IL36RN: variants seen among roughly 807,000 people sequenced by gnomAD.
IL36RN encodes interleukin-36 receptor antagonist protein.
A neutral mutation model predicts 13.0 loss-of-function variants in IL36RN; 11 were observed. The ratio of observed to expected loss-of-function variants is 0.85; its 90% CI spans 0.53 to 1.40. The LOEUF is 1.40. IL36RN is among the 40% of genes most tolerant of loss of function. The pLI, the probability that IL36RN is intolerant of heterozygous loss-of-function variation, is 0.00. For synonymous variants in IL36RN, 94 were observed against 84.1 expected (o/e 1.12, Z -0.64); for missense variants, 195 against 195.3 (o/e 1.00, Z 0.01).
In IL36RN at chr2:113,064,662, T is replaced by A. The variant is rs1289771796; in HGVS notation, c.*1985T>A. Reference sequence around the variant, plus strand: ...TAGAAGCAGAGACTCTGTGAGATAATCGATGTTTGTTGTTTTAAGTTGCTC... The same window carrying A: ...TAGAAGCAGAGACTCTGTGAGATAAACGATGTTTGTTGTTTTAAGTTGCTC... On this transcript the variant is annotated 3_prime_UTR_variant, in exon 5 of 5. Transcript: ENST00000393200. 1.9e-4 allele frequency: 29 copies of A among 152,208 alleles called. No homozygotes were observed. The highest frequency in any genetic ancestry group is 1.5e-3 in the Admixed American group (23 of 15,284). 9.4% of individuals were successfully genotyped at this position (152,208 alleles called of 1,614,324 possible). A position where few individuals can be genotyped will look rare whatever the true frequency, so the allele number is the denominator to read the frequency against.
chr2:113,060,267 C>T (rs1323180842), intron 2 of IL36RN, among the ~76,000 whole-genome samples: 2 of 152,202 alleles, frequency 1.3e-5, no homozygotes, highest in African/African-American at 2.4e-5. Context: ...ATACATCTTC[C>T]ACCTCATAGG....
rs1475179314 is a variant in IL36RN at position 113,064,722 on chromosome 2, A to T, written c.*2045A>T. On this transcript the variant is annotated 3_prime_UTR_variant, in exon 5 of 5. Transcript: ENST00000393200. The stretch of plus-strand genomic sequence containing the variant: ...CTAACTTGTTATGCAGCAATAGATA[A>T]ATAATATGCAGAGAAAGAGAAACAA... 3 of 152,236 alleles carry T rather than the reference A, an allele frequency of 2.0e-5. No individual in the cohort carries two copies. Among genetic ancestry groups the T allele is most frequent in the Non-Finnish European group, 4.4e-5 (3 of 68,044 alleles). The allele number at this position is 152,236 out of a possible 1,614,324, so 9.4% of individuals were successfully genotyped here. A position where few individuals can be genotyped will look rare whatever the true frequency, so the allele number is the denominator to read the frequency against.
chr2:113,062,284 G>A (rs1381078867), intron 4 of IL36RN, 33 bp downstream of exon 4: 1 of 1,613,268 alleles, frequency 6.2e-7, no homozygotes, highest in Non-Finnish European at 8.5e-7. Flanking sequence ...TGGGGACTCA[G>A]CCACAGATGC....
In IL36RN at chr2:113,062,209, C is replaced by T; in HGVS notation, c.201C>T (p.Cys67=). 4 of 1,614,062 alleles carry T rather than the reference C, an allele frequency of 2.5e-6. No individual in the cohort carries two copies. Among genetic ancestry groups the T allele is most frequent in the Non-Finnish European group, 3.4e-6 (4 of 1,179,964 alleles). ...VILGVQGGSQ[C]LSCGVGQEPT... ...TGGGTGTCCAGGGTGGAAGCCAGTG[C>T]CTGTCATGTGGGGTGGGGCAGGAGC... The change falls in exon 4 of 5, where the codon TGC becomes TGT. Residue 67 remains cysteine, a synonymous_variant. Coordinates refer to ENST00000393200, the MANE Select transcript of IL36RN (RefSeq NM_012275.3).
At position 113,063,308 on chromosome 2, in the gene IL36RN, A is replaced by G. The variant is rs1685682446; in HGVS notation, c.*631A>G. 1 of 158,306 alleles carries G rather than the reference A, an allele frequency of 6.3e-6. No individual in the cohort carries two copies. 9.8% of individuals were successfully genotyped at this position (158,306 alleles called of 1,614,324 possible). A position where few individuals can be genotyped will look rare whatever the true frequency, so the allele number is the denominator to read the frequency against. On this transcript the variant is annotated 3_prime_UTR_variant, in exon 5 of 5. Coordinates refer to ENST00000393200, the MANE Select transcript of IL36RN (RefSeq NM_012275.3). The stretch of plus-strand genomic sequence containing the variant: ...AGGGTATGCTGATCCTCTTTTAAAA[A>G]CCCAAGATACAATCAAAATCCCAGA...
At chr2:113,061,195 C>T (rs1685633731) in intron 3 of IL36RN, among the ~76,000 whole-genome samples, 1 of 152,234 alleles carries the variant, frequency 6.6e-6, no homozygotes, top group Non-Finnish European at 1.5e-5. Context: ...TTGTCATTCC[C>T]TTACAGGTAG....
At chr2:113,062,412 C>A in intron 4 of IL36RN, 41 bp from the exon 5 acceptor site, 1 of 1,611,324 alleles carries the variant, frequency 6.2e-7, no homozygotes, top group Non-Finnish European at 8.5e-7. Flanking sequence ...CCCTCTGCCC[C>A]TGCTTCTGCC....
intron 3 of IL36RN, among the ~76,000 whole-genome samples, chr2:113,061,158 G>A (rs1685632980): frequency 6.6e-6 from 1 of 152,248 alleles, no homozygotes; most frequent in Admixed American, 6.5e-5. Flanking sequence ...CTATGCAGAA[G>A]TGGGAATGTT....
chr2:113,059,617 T>G, intron 2 of IL36RN, 150 bp downstream of exon 2: 1 of 871,230 alleles, frequency 1.1e-6, no homozygotes, highest in South Asian at 1.5e-5. Context: ...CTCTTAGAGT[T>G]TTCCCAGCCT....
In IL36RN at chr2:113,062,435, C is replaced by A; in HGVS notation, c.244-18C>A. 1 of 1,613,786 alleles carries A rather than the reference C, an allele frequency of 6.2e-7. No individual in the cohort carries two copies. The highest frequency in any genetic ancestry group is 8.5e-7 in the Non-Finnish European group (1 of 1,179,850). On this transcript the variant is annotated intron_variant, in intron 4 of 4. Coordinates refer to ENST00000393200, the MANE Select transcript of IL36RN (RefSeq NM_012275.3). The stretch of plus-strand genomic sequence containing the variant: ...CCCTGCTTCTGCCCTCACCTGACCT[C>A]CCCTCCTCTGCCGGCAGCCAGTGAA...
At position 113,062,684 on chromosome 2, in the gene IL36RN, G is replaced by A. The variant is rs761649949; in HGVS notation, c.*7G>A. 76 of 1,607,278 alleles carry A rather than the reference G, an allele frequency of 4.7e-5. No homozygotes were observed. The highest frequency in any genetic ancestry group is 1.8e-4 in the Admixed American group (11 of 59,936). On this transcript the variant is annotated 3_prime_UTR_variant, in exon 5 of 5. Transcript: ENST00000393200. ...CTTCCAGCAGTGTGACTAGGGCAAC[G>A]TGCCCCCCAGAACTCCCTGGGCAGA...
chr2:113,060,260 C>T (rs1685614745), intron 2 of IL36RN, among the ~76,000 whole-genome samples: 2 of 152,188 alleles, frequency 1.3e-5, no homozygotes, highest in South Asian at 4.1e-4. Context: ...CTTTAGGATA[C>T]ATCTTCCACC....
chr2:113,059,888 C>T (rs937068461), intron 2 of IL36RN, among the ~76,000 whole-genome samples: 1 of 152,174 alleles, frequency 6.6e-6, no homozygotes, highest in Admixed American at 6.5e-5. Context: ...TCAGTCTGTC[C>T]ACCCACTGGC....
Position 113,062,285 on chromosome 2 carries a change from C to T in IL36RN, c.243+34C>T, listed in dbSNP as rs754925032. 3.1e-6 allele frequency: 5 copies of T among 1,613,006 alleles called. No homozygotes were observed. In the African/African-American group the frequency reaches 6.7e-5, roughly 22 times the overall value. On this transcript the variant is annotated intron_variant, in intron 4 of 4. Transcript: ENST00000393200. ...TGGGGCATCCTCACTGGGGACTCAGCCACAGATGCTGAGCCTACTGAAGCC... is the reference window on the plus strand; with the variant it reads ...TGGGGCATCCTCACTGGGGACTCAGTCACAGATGCTGAGCCTACTGAAGCC...
chr2:113,064,697 C>A lies in IL36RN; in HGVS notation c.*2020C>A, dbSNP rs1685709524. On this transcript the variant is annotated 3_prime_UTR_variant, in exon 5 of 5. Coordinates refer to ENST00000393200, the MANE Select transcript of IL36RN (RefSeq NM_012275.3). ...TTGTTTTAAGTTGCTCAGTTTTGGT[C>A]TAACTTGTTATGCAGCAATAGATAA... 1 of 152,158 alleles carries A rather than the reference C, an allele frequency of 6.6e-6. No homozygotes were observed. The highest frequency in any genetic ancestry group is 6.5e-5 in the Admixed American group (1 of 15,276). 9.4% of individuals were successfully genotyped at this position (152,158 alleles called of 1,614,324 possible).
chr2:113,060,411 T>A (rs567686948), intron 2 of IL36RN, among the ~76,000 whole-genome samples: 9 of 152,210 alleles, frequency 5.9e-5, no homozygotes, highest in Admixed American at 5.9e-4. Context: ...TCTTGAAGAA[T>A]TGAAGAATCA....
At chr2:113,060,503 C>T (rs1236945144) in intron 2 of IL36RN, among the ~76,000 whole-genome samples, 1 of 152,134 alleles carries the variant, frequency 6.6e-6, no homozygotes, top group African/African-American at 2.4e-5. Context: ...CCAGAGTGGG[C>T]GAGAGAGTTG....
chr2:113,062,548 G>A lies in IL36RN; in HGVS notation c.339G>A (p.Ser113=), dbSNP rs758684391. Residue 113 remains serine (S), a synonymous_variant, in exon 5 of 5, where the codon TCG becomes TCA. Coordinates refer to ENST00000393200, the MANE Select transcript of IL36RN (RefSeq NM_012275.3). The part of the protein sequence containing the change: ...RDMGLTSSFE[S]AAYPGWFLCT... Reference sequence around the variant, plus strand: ...TGGGGCTCACCTCCAGCTTCGAGTCGGCTGCCTACCCGGGCTGGTTCCTGT... The same window carrying A: ...TGGGGCTCACCTCCAGCTTCGAGTCAGCTGCCTACCCGGGCTGGTTCCTGT... The A allele has an allele frequency of 1.6e-5, 26 of 1,613,876 alleles. No homozygotes were observed. The highest frequency in any genetic ancestry group is 9.9e-5 in the South Asian group (9 of 91,080).
intron 2 of IL36RN, among the ~76,000 whole-genome samples, chr2:113,060,418 A>G (rs980793726): frequency 5.9e-5 from 9 of 152,220 alleles, no homozygotes; most frequent in African/African-American, 2.2e-4. Context: ...GAATTGAAGA[A>G]TCAGGCTTTA....
Sources: allele counts gnomAD v4.1 joint callset (sites outside exome capture counted in the v4.1 genomes callset), GRCh38; gene constraint gnomAD v4.1.1; transcripts MANE v1.5; gene names NCBI Gene and HGNC (gene_info 2026-07-23, HGNC 2026-07-21).